NSMAF: variants seen among roughly 807,000 people sequenced by gnomAD.
The protein encoded by NSMAF is protein FAN.
A neutral mutation model predicts 134.9 loss-of-function variants in NSMAF; 90 were observed. The observed-to-expected ratio is 0.67, with a 90% CI of 0.56 to 0.79. The LOEUF is 0.79. Among genes scored for constraint, NSMAF ranks in the 30% least tolerant of loss-of-function variants. NSMAF has a pLI of 0.00. For synonymous variants in NSMAF, 358 were observed against 389.6 expected (o/e 0.92, Z 0.96); for missense variants, 1,010 against 1,119.0 (o/e 0.90, Z 1.39).
At position 58,601,235 on chromosome 8, in the gene NSMAF, T is replaced by C. The variant is rs1415262403; in HGVS notation, c.1280+50A>G. On this transcript the variant is annotated intron_variant, in intron 16 of 30. Transcript: ENST00000038176. ...TGCTTTGAAACAAGTATGTTGTATA[T>C]ATACAATCAGAAAGTGTTAAAAATG... is the stretch of plus-strand genomic sequence containing the variant. The C allele has an allele frequency of 4.2e-6, 6 of 1,421,790 alleles. No individual in the cohort carries two copies. The East Asian group carries it at 6.8e-5, about 16-fold the overall frequency. 88.1% of individuals were successfully genotyped at this position (1,421,790 alleles called of 1,614,324 possible).
intron 6 of NSMAF, among the ~76,000 whole-genome samples, chr8:58,625,915 T>A (rs545004536): frequency 5.4e-4 from 82 of 152,144 alleles, no homozygotes; most frequent in Admixed American, 1.0e-3. Context: ...TCATTTTTTT[T>A]AAAATTTATT....
intron 5 of NSMAF, 101 bp downstream of exon 5, chr8:58,635,088 A>G: frequency 1.1e-6 from 1 of 888,502 alleles, no homozygotes; most frequent in Non-Finnish European, 1.8e-6. Flanking sequence ...TTTGATTTCT[A>G]TTCCATGGTC....
At chr8:58,608,449 G>A (rs1252144883) in intron 10 of NSMAF, among the ~76,000 whole-genome samples, 1 of 152,158 alleles carries the variant, frequency 6.6e-6, no homozygotes, top group Non-Finnish European at 1.5e-5. Context: ...CTATGCTTCC[G>A]TGGTCCTCCT....
Position 58,586,750 on chromosome 8 carries a change from T to A in NSMAF, c.2296-142A>T, listed in dbSNP as rs1247489951. ...TATGCCGGTGTTGCTAATGCAGATG[T>A]ATTTCAACATCATCCTACGGAATAA... On this transcript the variant is annotated intron_variant, in intron 27 of 30. Coordinates refer to ENST00000038176, the MANE Select transcript of NSMAF (RefSeq NM_003580.4). The A allele has an allele frequency of 1.7e-5, 10 of 587,896 alleles. 1 individual carries two copies. In the Admixed American group the frequency reaches 3.1e-4, roughly 18 times the overall value. The allele number at this position is 587,896 out of a possible 1,614,324, so 36.4% of individuals were successfully genotyped here.
chr8:58,624,166 C>T (rs1327833380), intron 6 of NSMAF, among the ~76,000 whole-genome samples: 5 of 151,684 alleles, frequency 3.3e-5, no homozygotes, highest in Admixed American at 6.6e-5. Context: ...CTCAGCCTCC[C>T]GAGTAGCTGG....
chr8:58,587,942 G>A (rs1805928977), intron 26 of NSMAF, among the ~76,000 whole-genome samples: 1 of 152,114 alleles, frequency 6.6e-6, no homozygotes, highest in African/African-American at 2.4e-5. Flanking sequence ...TGCTGTAATC[G>A]TGTGACTTTA....
Position 58,603,468 on chromosome 8 carries a change from A to G in NSMAF, c.869-82T>C, listed in dbSNP as rs1177906015. 3.2e-6 allele frequency: 4 copies of G among 1,266,042 alleles called. No homozygotes were observed. The East Asian group carries it at 7.0e-5, about 22-fold the overall frequency. 78.4% of individuals were successfully genotyped at this position (1,266,042 alleles called of 1,614,324 possible). ...AAGCTAGGGGCTTAACGTGTAGACCATCCCTGTGCATTCTTGAAAAATGCA... is the reference window on the plus strand; with the variant it reads ...AAGCTAGGGGCTTAACGTGTAGACCGTCCCTGTGCATTCTTGAAAAATGCA... On this transcript the variant is annotated intron_variant, in intron 12 of 30. Transcript: ENST00000038176.
chr8:58,628,929 C>T (rs1003263629), intron 6 of NSMAF, among the ~76,000 whole-genome samples: 4 of 152,122 alleles, frequency 2.6e-5, no homozygotes, highest in African/African-American at 9.7e-5. Context: ...TTTGTGGGGG[C>T]TTTCTTCTGT....
intron 9 of NSMAF, among the ~76,000 whole-genome samples, chr8:58,610,422 G>C (rs1806502280): frequency 6.6e-6 from 1 of 152,080 alleles, no homozygotes; most frequent in Non-Finnish European, 1.5e-5. Context: ...ATAAGTGACA[G>C]GACAAAAAGA....
chr8:58,587,657 G>A lies in NSMAF; in HGVS notation c.2256C>T (p.His752=). ...CCAGCTCGGCCAGCAAGTCAAAGTG[G>A]TGTCTTTTGGTGCCTGGCATCTCTG... The part of the protein sequence containing the change: ...VPAEMPGTKR[H]HFDLLAELEH... Residue 752 remains histidine (H), a synonymous_variant, in exon 27 of 31, where the codon CAC becomes CAT. Transcript: ENST00000038176. 6.2e-7 allele frequency: 1 copy of A among 1,614,174 alleles called. No individual in the cohort carries two copies. The highest frequency in any genetic ancestry group is 8.5e-7 in the Non-Finnish European group (1 of 1,180,012).
At chr8:58,633,262 T>C (rs1340864425) in intron 5 of NSMAF, among the ~76,000 whole-genome samples, 1 of 152,150 alleles carries the variant, frequency 6.6e-6, no homozygotes, top group Non-Finnish European at 1.5e-5. Flanking sequence ...CCAGGAGCAC[T>C]CACACTCCTG....
At chr8:58,601,403 G>C in intron 15 of NSMAF, 42 bp downstream of exon 15, 1 of 1,610,650 alleles carries the variant, frequency 6.2e-7, no homozygotes, top group South Asian at 1.1e-5. Context: ...GAAGAATACA[G>C]TGAAATAAAA....
intron 1 of NSMAF, chr8:58,659,186 C>A: frequency 7.0e-7 from 1 of 1,420,120 alleles, no homozygotes; most frequent in Non-Finnish European, 9.1e-7. Flanking sequence ...CGCCGGGCAG[C>A]GTACTCACCC....
chr8:58,643,250 T>C (rs1212829557), intron 1 of NSMAF, among the ~76,000 whole-genome samples, 177 bp from the exon 2 acceptor site: 2 of 152,222 alleles, frequency 1.3e-5, no homozygotes, highest in Non-Finnish European at 2.9e-5. Flanking sequence ...AGTACATAGC[T>C]GGGCTTGCCT....
At chr8:58,639,591 T>A (rs1007619481) in intron 2 of NSMAF, among the ~76,000 whole-genome samples, 1 of 152,150 alleles carries the variant, frequency 6.6e-6, no homozygotes. Context: ...TATCCAGCAA[T>A]CCCACTTCTG....
intron 6 of NSMAF, among the ~76,000 whole-genome samples, chr8:58,627,091 C>T (rs140758394): frequency 1.3e-5 from 2 of 152,218 alleles, no homozygotes; most frequent in African/African-American, 4.8e-5. Flanking sequence ...TGAGGTTCCT[C>T]GTAGATTCTG....
intron 16 of NSMAF, among the ~76,000 whole-genome samples, chr8:58,600,536 TC>T (rs1806255759): frequency 6.9e-6 from 1 of 145,670 alleles, no homozygotes; most frequent in African/African-American, 2.6e-5. Flanking sequence ...AGCAGGAGAA[TC>T]GCTTGAACCC....
intron 9 of NSMAF, among the ~76,000 whole-genome samples, chr8:58,614,552 A>G (rs1806612183): frequency 6.6e-6 from 1 of 152,188 alleles, no homozygotes; most frequent in Admixed American, 6.5e-5. Flanking sequence ...CTGAGTTATG[A>G]ACCTGTTACA....
chr8:58,655,561 C>A (rs1014109584), intron 1 of NSMAF, among the ~76,000 whole-genome samples: 2 of 152,008 alleles, frequency 1.3e-5, no homozygotes, highest in Admixed American at 1.3e-4. Context: ...AATAGAAAGT[C>A]TGTATAATAT....
Sources: allele counts gnomAD v4.1 joint callset (sites outside exome capture counted in the v4.1 genomes callset), GRCh38; gene constraint gnomAD v4.1.1; transcripts MANE v1.5; gene names NCBI Gene and HGNC (gene_info 2026-07-23, HGNC 2026-07-21).